PRKN: variants seen among roughly 807,000 people sequenced by gnomAD.
PRKN encodes the protein parkin RBR E3 ubiquitin protein ligase.
A neutral mutation model predicts 59.5 loss-of-function variants in PRKN; 56 were observed. The observed-to-expected ratio is 0.94, with a 90% CI of 0.76 to 1.18. The LOEUF is 1.18. Among genes scored for constraint, PRKN ranks in the 50% most tolerant of loss-of-function variants. The pLI is 0.00. For missense variants in PRKN, 657 were observed against 596.4 expected (o/e 1.10, Z -1.06); for synonymous variants, 250 against 222.1 (o/e 1.13, Z -1.12).
At chr6:161,435,480 G>T (rs1342398202) in intron 9 of PRKN, among the ~76,000 whole-genome samples, 2 of 151,898 alleles carry the variant, frequency 1.3e-5, no homozygotes, top group Admixed American at 6.6e-5. Context: ...ATATTCATAT[G>T]AGCTTTATGA....
At position 161,457,139 on chromosome 6, in the gene PRKN, G is replaced by T. The variant is rs1790006192; in HGVS notation, c.1084-70262C>A. Reference sequence around the variant, plus strand: ...CCGCTTGGTTCTTTGGAGTCCAGGAGTTCTCCACTCGGTACACCCAGTTTT... The same window carrying T: ...CCGCTTGGTTCTTTGGAGTCCAGGATTTCTCCACTCGGTACACCCAGTTTT... On this transcript the variant is annotated intron_variant, in intron 9 of 11. Transcript: ENST00000366898. This position sits in a 1 kb window ranked among gnomAD's most constrained non-coding sequence, Gnocchi z 5.0. 6.6e-6 allele frequency among the ~76,000 whole-genome samples: 1 copy of T among 152,216 alleles called. No individual in the cohort carries two copies. Among genetic ancestry groups the T allele is most frequent in the South Asian group, 2.1e-4 (1 of 4,830 alleles).
At chr6:161,824,493 C>T (rs1792160745) in intron 6 of PRKN, among the ~76,000 whole-genome samples, 1 of 152,132 alleles carries the variant, frequency 6.6e-6, no homozygotes, top group South Asian at 2.1e-4. Flanking sequence ...GAAATAAATA[C>T]TACAGTGAAT....
intron 6 of PRKN, among the ~76,000 whole-genome samples, chr6:161,798,286 A>T (rs1034743168): frequency 6.6e-6 from 1 of 152,146 alleles, no homozygotes; most frequent in East Asian, 1.9e-4. Context: ...TCATGCAAAG[A>T]TGTGACTGTC....
chr6:162,446,468 T>C (rs933360680), intron 1 of PRKN, among the ~76,000 whole-genome samples: 1 of 152,184 alleles, frequency 6.6e-6, no homozygotes, highest in Non-Finnish European at 1.5e-5. Context: ...GCAAAAAATA[T>C]TAAAGATACC....
chr6:161,924,887 T>C (rs1173400664), intron 6 of PRKN, among the ~76,000 whole-genome samples: 1 of 152,196 alleles, frequency 6.6e-6, no homozygotes, highest in Non-Finnish European at 1.5e-5. Context: ...ACTGTGGAAG[T>C]ACCCTGTGAG....
intron 3 of PRKN, among the ~76,000 whole-genome samples, chr6:162,224,810 T>C (rs958950026): frequency 2.6e-5 from 4 of 152,068 alleles, no homozygotes; most frequent in African/African-American, 9.7e-5. Flanking sequence ...GTTGCTGCAA[T>C]CCCCAGGGCC....
chr6:161,792,630 C>T (rs1245357854), intron 6 of PRKN, among the ~76,000 whole-genome samples: 1 of 152,160 alleles, frequency 6.6e-6, no homozygotes, highest in Admixed American at 6.5e-5. Flanking sequence ...GAGAGTCTTG[C>T]AATTTAGCTA....
chr6:161,892,923 A>T (rs891929468), intron 6 of PRKN, among the ~76,000 whole-genome samples: 6 of 152,112 alleles, frequency 3.9e-5, no homozygotes, highest in Non-Finnish European at 8.8e-5. Flanking sequence ...CCTCACTGCA[A>T]CCTCTGCCAC....
Position 161,349,677 on chromosome 6 carries a change from G to A in PRKN, c.*422C>T, listed in dbSNP as rs1370247684. The A allele has an allele frequency of 3.1e-6, 1 of 320,952 alleles. No individual in the cohort carries two copies. The highest frequency in any genetic ancestry group is 5.8e-6 in the Non-Finnish European group (1 of 170,946). The allele number at this position is 320,952 out of a possible 1,614,324, so 19.9% of individuals were successfully genotyped here. On this transcript the variant is annotated 3_prime_UTR_variant, in exon 12 of 12. Transcript: ENST00000366898. This position sits in a 1 kb window ranked among gnomAD's most constrained non-coding sequence, Gnocchi z 5.5. The stretch of plus-strand genomic sequence containing the variant: ...TGGTGTTTACTGAAGGTAAAAGGCA[G>A]GATATTAAATGTGAGAACTCTCTCT...
At chr6:162,479,575 A>T (rs1179359867) in intron 1 of PRKN, among the ~76,000 whole-genome samples, 1 of 152,110 alleles carries the variant, frequency 6.6e-6, no homozygotes, top group Non-Finnish European at 1.5e-5. Flanking sequence ...AACACACAGT[A>T]GCCTGGGCTT....
intron 6 of PRKN, among the ~76,000 whole-genome samples, chr6:161,846,766 A>G (rs1451806147): frequency 3.3e-5 from 5 of 152,084 alleles, no homozygotes; most frequent in Non-Finnish European, 7.4e-5. Flanking sequence ...AAAATTCCTC[A>G]ATGTAATTGC....
intron 1 of PRKN, among the ~76,000 whole-genome samples, chr6:162,503,013 T>G (rs185880432): frequency 6.6e-6 from 1 of 151,212 alleles, no homozygotes; most frequent in Non-Finnish European, 1.5e-5. Context: ...TAAAATAGAA[T>G]ATCTTGTATT....
chr6:161,955,433 A>G (rs1285802096), intron 6 of PRKN, among the ~76,000 whole-genome samples: 3 of 152,206 alleles, frequency 2.0e-5, no homozygotes, highest in African/African-American at 7.2e-5. Flanking sequence ...TACAGAGAAT[A>G]TTTACTAAAT....
chr6:162,616,266 A>C (rs1462544434), intron 1 of PRKN, among the ~76,000 whole-genome samples: 1 of 152,134 alleles, frequency 6.6e-6, no homozygotes, highest in Non-Finnish European at 1.5e-5. Context: ...TTTGCTTGAT[A>C]GTAAGCCCGC....
At chr6:162,691,609 T>G (rs911961897) in intron 1 of PRKN, among the ~76,000 whole-genome samples, 1 of 152,246 alleles carries the variant, frequency 6.6e-6, no homozygotes, top group African/African-American at 2.4e-5. Context: ...TGTAGTTTAT[T>G]TTATGAAAGG....
At chr6:161,540,632 G>A (rs774091984) in intron 9 of PRKN, among the ~76,000 whole-genome samples, 8 of 151,898 alleles carry the variant, frequency 5.3e-5, no homozygotes, top group Non-Finnish European at 7.4e-5. Flanking sequence ...TCAGCACTAC[G>A]GATTAAAAAA....
At chr6:161,955,148 G>T (rs1780125441) in intron 6 of PRKN, among the ~76,000 whole-genome samples, 1 of 152,104 alleles carries the variant, frequency 6.6e-6, no homozygotes, top group Admixed American at 6.5e-5. Context: ...AGGCTTTCCT[G>T]ACCTCAGCAT....
chr6:162,482,521 G>A lies in PRKN; in HGVS notation c.8-39048C>T, dbSNP rs191186245. Among the ~76,000 whole-genome samples, 367 of 152,162 alleles carry A rather than the reference G, an allele frequency of 2.4e-3. 2 individuals carry two copies. Among genetic ancestry groups the A allele is most frequent in the African/African-American group, 7.4e-3 (307 of 41,518 alleles). ...GAGAGTGCATCAGGGGTTAAGCTAC[G>A]TAAACAAACAAAACCAGCAATAATG... On this transcript the variant is annotated intron_variant, in intron 1 of 11. Transcript: ENST00000366898.
At chr6:162,534,807 A>G (rs1474092034) in intron 1 of PRKN, among the ~76,000 whole-genome samples, 1 of 152,122 alleles carries the variant, frequency 6.6e-6, no homozygotes, top group East Asian at 1.9e-4. Flanking sequence ...CTGCATCTGT[A>G]AGGTCCTGCC....
Sources: gnomAD v4.1 joint callset for allele counts (sites outside exome capture counted in the v4.1 genomes callset) on GRCh38, gnomAD v4.1.1 for gene constraint, Gnocchi (gnomAD v3.1) non-coding constraint, MANE v1.5 for transcripts, NCBI Gene and HGNC (gene_info 2026-07-23, HGNC 2026-07-21) for gene names.